STPG4: variants seen among roughly 807,000 people sequenced by gnomAD.
STPG4 encodes the protein sperm-tail PG-rich repeat containing 4, also known as protein STPG4.
A neutral mutation model predicts 31.5 loss-of-function variants in STPG4; 41 were observed. The observed-to-expected ratio is 1.30, with a 90% confidence interval of 1.01 to 1.69. The LOEUF (loss-of-function observed/expected upper bound fraction) is 1.69, where lower values mean the gene tolerates loss of function less well. Ranked by LOEUF, STPG4 falls within the 40% of genes most tolerant of loss-of-function variation. The pLI, the probability that STPG4 is intolerant of heterozygous loss-of-function variation, is 0.00. For synonymous variants in STPG4, 141 were observed against 103.0 expected, an observed-to-expected ratio of 1.37 and a Z score of -2.24; for missense variants, 375 against 293.4, an observed-to-expected ratio of 1.28 and a Z score of -2.03.
chr2:47,110,162 C>A (rs542242082), intron 5 of STPG4, among the ~76,000 whole-genome samples: 1 of 152,268 alleles, frequency 6.6e-6, no homozygotes, highest in Admixed American at 6.5e-5. Context: ...TCACTAGAGA[C>A]CCCAAACATC....
At chr2:47,126,402 T>A (rs1453377017) in intron 5 of STPG4, among the ~76,000 whole-genome samples, 1 of 152,126 alleles carries the variant, frequency 6.6e-6, no homozygotes, top group Non-Finnish European at 1.5e-5. Flanking sequence ...CATGGCTCAC[T>A]GCAGCCTTGA....
intron 3 of STPG4, among the ~76,000 whole-genome samples, chr2:47,138,163 T>A (rs1307809731): frequency 6.6e-6 from 1 of 152,218 alleles, no homozygotes; most frequent in Admixed American, 6.5e-5. Flanking sequence ...CAAATTTTGT[T>A]AAATTTTGTT....
At chr2:47,139,862 G>A (rs978515403) in intron 3 of STPG4, among the ~76,000 whole-genome samples, 3 of 152,058 alleles carry the variant, frequency 2.0e-5, no homozygotes, top group Admixed American at 6.6e-5. Flanking sequence ...TGCACCCTCC[G>A]CCTCCTGGGT....
At chr2:47,147,830 T>C (rs1686855748) in intron 3 of STPG4, among the ~76,000 whole-genome samples, 1 of 152,176 alleles carries the variant, frequency 6.6e-6, no homozygotes, top group Non-Finnish European at 1.5e-5. Context: ...ATATACTATT[T>C]ATCTGTTAAG....
chr2:47,103,501 T>A (rs999145607), intron 5 of STPG4, among the ~76,000 whole-genome samples: 2 of 151,724 alleles, frequency 1.3e-5, no homozygotes, highest in Non-Finnish European at 2.9e-5. Flanking sequence ...AAAAGCGAGA[T>A]CAGAGAAAGG....
Position 47,107,285 on chromosome 2 carries a change from C to G in STPG4, c.520-16911G>C, listed in dbSNP as rs59525159. Among the ~76,000 whole-genome samples, 52 of 151,538 alleles carry G rather than the reference C, an allele frequency of 3.4e-4. 1 individual carries two copies. The highest frequency in any genetic ancestry group is 1.2e-3 in the African/African-American group (48 of 40,848). On this transcript the variant is annotated intron_variant, in intron 5 of 6. Transcript: ENST00000445927. ...GCTTGCAGGGAGGTGTGGAGGGAGA[C>G]GCGCAAGTGGGAACCGGGGCTGCGC...
At chr2:47,116,509 A>T (rs920456930) in intron 5 of STPG4, among the ~76,000 whole-genome samples, 8 of 152,196 alleles carry the variant, frequency 5.3e-5, no homozygotes, top group African/African-American at 1.7e-4. Context: ...TATTTTGTAG[A>T]CGGTTTTACG....
intron 5 of STPG4, among the ~76,000 whole-genome samples, chr2:47,121,847 CGTGTGTGTGTGTGTGT>C (rs10538224): frequency 9.5e-4 from 137 of 144,326 alleles, no homozygotes; most frequent in South Asian, 4.3e-3. Flanking sequence ...GCCCTCTCCT[CGTGTGTGTGTGTGTGT>C]GTGTGTGTGT....
chr2:47,100,583 C>A (rs1233676652), intron 5 of STPG4, among the ~76,000 whole-genome samples: 3 of 150,910 alleles, frequency 2.0e-5, no homozygotes, highest in Non-Finnish European at 4.4e-5. Flanking sequence ...CTCGAGTCCC[C>A]TTCCACACTG....
intron 2 of STPG4, among the ~76,000 whole-genome samples, chr2:47,151,919 GTTTTT>G (rs71245620): frequency 9.4e-5 from 7 of 74,832 alleles, no homozygotes; most frequent in African/African-American, 1.5e-4. Flanking sequence ...TTTTTGTTTT[GTTTTT>G]TTTTTTTTTT....
intron 3 of STPG4, among the ~76,000 whole-genome samples, chr2:47,133,367 A>T (rs140933686): frequency 1.3e-5 from 2 of 151,720 alleles, no homozygotes; most frequent in African/African-American, 2.4e-5. Flanking sequence ...AGATCTCACT[A>T]TGTTGCCAGG....
At chr2:47,098,914 C>T (rs1685731608) in intron 5 of STPG4, among the ~76,000 whole-genome samples, 1 of 152,178 alleles carries the variant, frequency 6.6e-6, no homozygotes, top group African/African-American at 2.4e-5. Context: ...CATTGGTCTA[C>T]AGGTTCCCAA....
chr2:47,123,327 A>G (rs1686310377), intron 5 of STPG4, among the ~76,000 whole-genome samples: 1 of 152,196 alleles, frequency 6.6e-6, no homozygotes, highest in South Asian at 2.1e-4. Context: ...TGTTAATACC[A>G]TGATCTATTG....
Position 47,104,497 on chromosome 2 carries a change from T to A in STPG4, c.520-14123A>T, listed in dbSNP as rs1348570028. ...TCATATACCAGAGGAAGCAGAATGG[T>A]TCATGGTTCTGGACCTCAAGGATGC... On this transcript the variant is annotated intron_variant, in intron 5 of 6. Transcript: ENST00000445927. 5.9e-5 allele frequency among the ~76,000 whole-genome samples: 9 copies of A among 151,932 alleles called. 1 individual carries two copies. Among genetic ancestry groups the A allele is most frequent in the African/African-American group, 2.2e-4 (9 of 41,240 alleles).
intron 6 of STPG4, among the ~76,000 whole-genome samples, chr2:47,089,466 C>T (rs759331661): frequency 2.6e-5 from 4 of 152,144 alleles, no homozygotes; most frequent in Admixed American, 6.5e-5. Flanking sequence ...TCCTACCCAC[C>T]GCTCCAACTT....
chr2:47,090,499 C>A (rs1685549655), intron 5 of STPG4, 125 bp from the exon 6 acceptor site: 4 of 651,066 alleles, frequency 6.1e-6, no homozygotes, highest in Non-Finnish European at 8.0e-6. Context: ...CATATTTGGT[C>A]TCGAGAGATC....
chr2:47,132,731 C>T (rs1408187772), intron 3 of STPG4, among the ~76,000 whole-genome samples: 1 of 152,154 alleles, frequency 6.6e-6, no homozygotes, highest in Non-Finnish European at 1.5e-5. Context: ...TGTTTGCTTT[C>T]TGTTTTTAAA....
chr2:47,137,379 C>T lies in STPG4; in HGVS notation c.400-7119G>A, dbSNP rs142279313. 5.1e-4 allele frequency among the ~76,000 whole-genome samples: 78 copies of T among 152,214 alleles called. No individual in the cohort carries two copies. In the East Asian group the frequency reaches 0.014, roughly 28 times the overall value. ...TTAATACATTGTTAGACTTAATTTG[C>T]TATCATTTTGTTGAGGATTTTTACA... On this transcript the variant is annotated intron_variant, in intron 3 of 6. Transcript: ENST00000445927.
At chr2:47,097,510 G>A (rs538229973) in intron 5 of STPG4, among the ~76,000 whole-genome samples, 4 of 152,214 alleles carry the variant, frequency 2.6e-5, no homozygotes, top group African/African-American at 9.6e-5. Flanking sequence ...GCTTATAAAA[G>A]AGGCCTGAGG....
Sources: allele counts gnomAD v4.1 joint callset (sites outside exome capture counted in the v4.1 genomes callset), GRCh38; gene constraint gnomAD v4.1.1; transcripts MANE v1.5; gene names NCBI Gene and HGNC (gene_info 2026-07-23, HGNC 2026-07-21).